Variants in PTBP3 observed in about 807,000 individuals in gnomAD.
The protein encoded by PTBP3 is polypyrimidine tract-binding protein 3.
A neutral mutation model predicts 58.7 loss-of-function variants in PTBP3; 20 were observed. That is an observed-to-expected ratio of 0.34 (90% confidence interval 0.24 to 0.50). The LOEUF is 0.50. Ranked by LOEUF, PTBP3 falls within the 20% of genes least tolerant of loss-of-function variation. The pLI, the probability that PTBP3 is intolerant of heterozygous loss-of-function variation, is 0.98. For synonymous variants in PTBP3, 185 were observed against 219.8 expected (o/e 0.84, Z 1.40); for missense variants, 509 against 637.2 (o/e 0.80, Z 2.17).
intron 1 of PTBP3, among the ~76,000 whole-genome samples, chr9:112,315,081 T>C (rs12342309): frequency 0.033 from 5,049 of 152,082 alleles, 272 homozygotes; most frequent in African/African-American, 0.12. Context: ...TCCGCCCACC[T>C]TGGCCTCCCA....
At chr9:112,359,023 A>G in the PTBP3 span, among the ~76,000 whole-genome samples, 1 of 152,292 alleles carries the variant, frequency 6.6e-6, no homozygotes, top group Admixed American at 6.5e-5. Flanking sequence ...TTTTTTGTAG[A>G]GACAGTCTCC....
rs1204567848 is a variant in PTBP3 at position 112,223,090 on chromosome 9, A to AT, written c.*760dup. 17 of 866,696 alleles carry AT rather than the reference A, an allele frequency of 2.0e-5. No homozygotes were observed. The highest frequency in any genetic ancestry group is 1.6e-4 in the African/African-American group (9 of 54,612). 53.7% of individuals were successfully genotyped at this position (866,696 alleles called of 1,614,324 possible). A position where few individuals can be genotyped will look rare whatever the true frequency, so the allele number is the denominator to read the frequency against. On this transcript the variant is annotated 3_prime_UTR_variant, in exon 14 of 14. Transcript: ENST00000374257. ...GTGTCATTTTGAAATTTAAAACATG[A>AT]TTTTTTCCTAATAAAATTATTAGTT...
chr9:112,274,791 A>C (rs1206963089), intron 3 of PTBP3, among the ~76,000 whole-genome samples: 2 of 152,242 alleles, frequency 1.3e-5, no homozygotes, highest in Non-Finnish European at 2.9e-5. Flanking sequence ...CATGCAAAGT[A>C]AAGCAGGTAA....
Position 112,262,599 on chromosome 9 carries a change from G to T in PTBP3, c.352C>A (p.Arg118=), listed in dbSNP as rs1457128141. 16 of 1,558,760 alleles carry T rather than the reference G, an allele frequency of 1.0e-5. No homozygotes were observed. Among genetic ancestry groups the T allele is most frequent in the African/African-American group, 1.4e-5 (1 of 71,960 alleles). Residue 118 remains arginine (R), a splice_region_variant and synonymous_variant, in exon 5 of 14, where the codon CGA becomes AGA. Coordinates refer to ENST00000374257, the MANE Select transcript of PTBP3 (RefSeq NM_001163788.4). ...LKTDNLPNQA[R]AQAALQAVSA... ...ACAGCCTGCAGTGCAGCTTGGGCTC[G>T]CTATAGAACAACCCAAAATGAGAAC... is the stretch of plus-strand genomic sequence containing the variant.
intron 4 of PTBP3, among the ~76,000 whole-genome samples, chr9:112,266,695 C>T (rs956679904): frequency 1.3e-5 from 2 of 152,046 alleles, no homozygotes; most frequent in Admixed American, 6.6e-5. Flanking sequence ...AACCCATGTC[C>T]ATAACATTAC....
the PTBP3 span, among the ~76,000 whole-genome samples, chr9:112,363,561 A>ACACACACAG: frequency 1.3e-5 from 1 of 77,400 alleles, no homozygotes; most frequent in South Asian, 6.3e-4. Flanking sequence ...CACACACACA[A>ACACACACAG]AGGCTATTCT....
chr9:112,261,180 G>C (rs1382297396), intron 5 of PTBP3, among the ~76,000 whole-genome samples: 2 of 152,174 alleles, frequency 1.3e-5, no homozygotes, highest in Non-Finnish European at 2.9e-5. Context: ...AGCAACAGCT[G>C]AACCCTTTCA....
At chr9:112,375,727 T>G in the PTBP3 span, among the ~76,000 whole-genome samples, 1 of 152,084 alleles carries the variant, frequency 6.6e-6, no homozygotes, top group South Asian at 2.1e-4. Flanking sequence ...CACTTCCACT[T>G]GATGATGGAA....
chr9:112,230,729 C>A (rs182320780), intron 10 of PTBP3, among the ~76,000 whole-genome samples: 1 of 152,256 alleles, frequency 6.6e-6, no homozygotes, highest in Non-Finnish European at 1.5e-5. Flanking sequence ...AGATGTTAAT[C>A]ATGTTTTATG....
intron 1 of PTBP3, among the ~76,000 whole-genome samples, chr9:112,315,952 T>C (rs142616422): frequency 6.6e-5 from 10 of 152,240 alleles, no homozygotes; most frequent in Non-Finnish European, 1.3e-4. Context: ...AATTTTGAGA[T>C]AGTGCTAAAG....
the PTBP3 span, among the ~76,000 whole-genome samples, chr9:112,362,048 T>C: frequency 2.0e-5 from 3 of 152,332 alleles, no homozygotes; most frequent in Non-Finnish European, 4.4e-5. Flanking sequence ...TAGAAAATTA[T>C]CTATTTGGGG....
intron 7 of PTBP3, among the ~76,000 whole-genome samples, chr9:112,238,450 T>A (rs991864658): frequency 6.6e-6 from 1 of 152,060 alleles, no homozygotes; most frequent in Non-Finnish European, 1.5e-5. Context: ...AGTATGGGGG[T>A]ATAACATGTC....
chr9:112,320,314 A>ATATATATTTTTTTTT, intron 1 of PTBP3, among the ~76,000 whole-genome samples: 13 of 75,694 alleles, frequency 1.7e-4, no homozygotes, highest in Non-Finnish European at 3.0e-4. Context: ...ATATATATAT[A>ATATATATTTTTTTTT]TTTTTTTTTA....
Position 112,256,772 on chromosome 9 carries a change from C to G in PTBP3, c.517-3984G>C, listed in dbSNP as rs57598417. Among the ~76,000 whole-genome samples the G allele has an allele frequency of 2.0e-5, 3 of 152,242 alleles. No individual in the cohort carries two copies. The East Asian group carries it at 5.8e-4, about 29-fold the overall frequency. On this transcript the variant is annotated intron_variant, in intron 5 of 13. Transcript: ENST00000374257. Reference sequence around the variant, plus strand: ...TCCTGACCTCACACGATTCTCCTACCTTAGCCTCCCAAAGTACTGGGATTA... The same window carrying G: ...TCCTGACCTCACACGATTCTCCTACGTTAGCCTCCCAAAGTACTGGGATTA...
chr9:112,224,912 G>A (rs1834925106), intron 12 of PTBP3, among the ~76,000 whole-genome samples: 1 of 152,172 alleles, frequency 6.6e-6, no homozygotes, highest in Admixed American at 6.5e-5. Context: ...ACATGACTAA[G>A]CCATTTTGGA....
intron 2 of PTBP3, among the ~76,000 whole-genome samples, chr9:112,276,669 A>AC (rs1282059318): frequency 6.6e-6 from 1 of 152,114 alleles, no homozygotes; most frequent in African/African-American, 2.4e-5. Context: ...CAGGAGTGGA[A>AC]CCCAACGACC....
At position 112,218,504 on chromosome 9, in the gene PTBP3, G is replaced by A. The variant is rs1834696337; in HGVS notation, c.*5347C>T. 6.6e-6 allele frequency: 1 copy of A among 152,622 alleles called. No individual in the cohort carries two copies. The highest frequency in any genetic ancestry group is 2.1e-4 in the South Asian group (1 of 4,828). The allele number at this position is 152,622 out of a possible 1,614,324, so 9.5% of individuals were successfully genotyped here. On this transcript the variant is annotated 3_prime_UTR_variant, in exon 14 of 14. Coordinates refer to ENST00000374257, the MANE Select transcript of PTBP3 (RefSeq NM_001163788.4). ...TACAATGCTATATTTGTTAGGAAAA[G>A]AGATTAGAGATATCAAGTAATAGTC...
At chr9:112,310,527 A>C (rs1046049835) in intron 1 of PTBP3, among the ~76,000 whole-genome samples, 3 of 152,220 alleles carry the variant, frequency 2.0e-5, no homozygotes, top group Non-Finnish European at 4.4e-5. Flanking sequence ...AATTCGATAA[A>C]TATTTACTGA....
intron 1 of PTBP3, among the ~76,000 whole-genome samples, chr9:112,319,824 C>A (rs951490949): frequency 6.6e-6 from 1 of 152,128 alleles, no homozygotes; most frequent in African/African-American, 2.4e-5. Context: ...TATACATGTA[C>A]AATGGAATAT....
Sources: allele counts gnomAD v4.1 joint callset (sites outside exome capture counted in the v4.1 genomes callset), GRCh38; gene constraint gnomAD v4.1.1; transcripts MANE v1.5; gene names NCBI Gene and HGNC (gene_info 2026-07-23, HGNC 2026-07-21).